ECHDC1: variants seen among roughly 807,000 people sequenced by gnomAD.
The protein encoded by ECHDC1 is ethylmalonyl-CoA decarboxylase.
A neutral mutation model predicts 29.7 loss-of-function variants in ECHDC1; 29 were observed. The observed-to-expected ratio is 0.98, with a 90% CI of 0.73 to 1.33. ECHDC1 has a LOEUF of 1.33. ECHDC1 is among the 40% of genes most tolerant of loss of function. The pLI is 0.00. For synonymous variants in ECHDC1, 126 were observed against 123.1 expected (o/e 1.02, Z -0.15); for missense variants, 328 against 350.0 (o/e 0.94, Z 0.50).
At chr6:127,302,928 A>G (rs1781161322) in intron 5 of ECHDC1, among the ~76,000 whole-genome samples, 1 of 152,182 alleles carries the variant, frequency 6.6e-6, no homozygotes. Context: ...ATCTGCACTG[A>G]TGACAGCAGA....
Position 127,289,884 on chromosome 6 carries a change from T to G in ECHDC1, c.891A>C (p.Gly297=). The G allele has an allele frequency of 1.2e-6, 2 of 1,606,038 alleles. No individual in the cohort carries two copies. The highest frequency in any genetic ancestry group is 1.7e-6 in the Non-Finnish European group (2 of 1,176,516). ...GAAAAACCAATTATTTATTAAATTT[T>G]CCTTTCTTAGCAATAGCCTCTAAAT... ...PANLEAIAKK[G]KFNK is the part of the protein sequence containing the mutation. Residue 297 remains glycine, a synonymous_variant, in exon 6 of 6, where the codon GGA becomes GGC. Transcript: ENST00000454859.
intron 3 of ECHDC1, 81 bp downstream of exon 3, chr6:127,326,921 C>A (rs199807768): frequency 1.4e-6 from 2 of 1,454,694 alleles, no homozygotes; most frequent in South Asian, 1.4e-5. Flanking sequence ...GTCATCATAA[C>A]CATTAGTAAA....
At position 127,311,093 on chromosome 6, in the gene ECHDC1, A is replaced by G. The variant is rs749888379; in HGVS notation, c.497+3723T>C. ...ACTGGGAAACCAAACAGTTCGTGTG[A>G]CTCACTTTATTGTGATATTAACTTT... On this transcript the variant is annotated intron_variant, in intron 5 of 5. Transcript: ENST00000454859. 5.1e-4 allele frequency among the ~76,000 whole-genome samples: 77 copies of G among 152,166 alleles called. 3 individuals are homozygous for G. Among genetic ancestry groups the G allele is most frequent in the Non-Finnish European group, 1.3e-4 (9 of 68,016 alleles).
intron 1 of ECHDC1, among the ~76,000 whole-genome samples, chr6:127,341,959 C>T (rs1784987878): frequency 6.6e-6 from 1 of 152,242 alleles, no homozygotes; most frequent in African/African-American, 2.4e-5. Context: ...TTTCAAGGTT[C>T]ATTACATGCC....
At chr6:127,295,932 A>G (rs1238409501) in intron 5 of ECHDC1, among the ~76,000 whole-genome samples, 1 of 152,230 alleles carries the variant, frequency 6.6e-6, no homozygotes, top group Admixed American at 6.5e-5. Flanking sequence ...AGAAGGCAGA[A>G]GGCTTTCTAA....
chr6:127,314,849 C>T lies in ECHDC1; in HGVS notation c.464G>A (p.Gly155Glu). ...VALVQGWALG[G>E]GAEFTTACDF... ...ACATGCTGTAGTAAATTCTGCTCCT[C>T]CACCCAATGCCCAACCTTGAACCAG... The change falls in exon 5 of 6, where the codon GGA becomes GAA. Residue 155 changes from glycine to glutamate, a missense_variant. Physicochemically the swap from Gly to Glu is moderately conservative, Grantham distance 98 (BLOSUM62 -2). Transcript: ENST00000454859. 1 of 1,611,834 alleles carries T rather than the reference C, an allele frequency of 6.2e-7. No homozygotes were observed. Among genetic ancestry groups the T allele is most frequent in the Non-Finnish European group, 8.5e-7 (1 of 1,178,924 alleles).
chr6:127,330,732 C>T, intron 2 of ECHDC1, 77 bp downstream of exon 2: 3 of 1,272,812 alleles, frequency 2.4e-6, no homozygotes, highest in Non-Finnish European at 3.3e-6. Flanking sequence ...ATTCTGTCAC[C>T]ACAGCAAGGA....
intron 5 of ECHDC1, among the ~76,000 whole-genome samples, chr6:127,302,881 G>A (rs1329245800): frequency 1.3e-5 from 2 of 152,010 alleles, no homozygotes; most frequent in Admixed American, 1.3e-4. Flanking sequence ...CTTCCTCTTC[G>A]CAGAATAAAA....
chr6:127,315,175 G>A (rs1041676343), intron 4 of ECHDC1: 13 of 562,424 alleles, frequency 2.3e-5, no homozygotes, highest in Non-Finnish European at 4.3e-5. Flanking sequence ...TAGCCATATT[G>A]TAACTTACTC....
chr6:127,311,896 G>C (rs1025674488), intron 5 of ECHDC1, among the ~76,000 whole-genome samples: 1 of 151,708 alleles, frequency 6.6e-6, no homozygotes, highest in Non-Finnish European at 1.5e-5. Flanking sequence ...TAATTGCACT[G>C]TGGCTCTATA....
At chr6:127,292,987 C>G (rs1427655482) in intron 5 of ECHDC1, among the ~76,000 whole-genome samples, 1 of 152,040 alleles carries the variant, frequency 6.6e-6, no homozygotes, top group Non-Finnish European at 1.5e-5. Context: ...CCTCTGACAT[C>G]CTGGGGCAAA....
At position 127,299,021 on chromosome 6, in the gene ECHDC1, G is replaced by A. The variant is rs533098572; in HGVS notation, c.498-8744C>T. ...CTCCCTCAGGAATGGGACTACAGGC[G>A]TGTGCCACCATGCCTGGCTATTTTT... On this transcript the variant is annotated intron_variant, in intron 5 of 5. Transcript: ENST00000454859. Among the ~76,000 whole-genome samples, 8 of 148,424 alleles carry A rather than the reference G, an allele frequency of 5.4e-5. No homozygotes were observed. In the South Asian group the frequency reaches 1.3e-3, roughly 24 times the overall value.
At chr6:127,334,679 C>T (rs944721791) in intron 1 of ECHDC1, among the ~76,000 whole-genome samples, 16 of 152,006 alleles carry the variant, frequency 1.1e-4, no homozygotes, top group African/African-American at 3.9e-4. Flanking sequence ...ACAAATTTAC[C>T]ATGCTATTTT....
intron 1 of ECHDC1, among the ~76,000 whole-genome samples, chr6:127,337,592 G>A (rs998348678): frequency 4.6e-5 from 7 of 152,168 alleles, no homozygotes; most frequent in Admixed American, 1.3e-4. Flanking sequence ...AAACCAAGTT[G>A]TACCCCAGCC....
At chr6:127,314,294 G>A (rs1219165974) in intron 5 of ECHDC1, among the ~76,000 whole-genome samples, 1 of 152,036 alleles carries the variant, frequency 6.6e-6, no homozygotes, top group African/African-American at 2.4e-5. Flanking sequence ...ATAATTATTG[G>A]GAGTGAAGAG....
chr6:127,307,474 CAA>C (rs1203854937), intron 5 of ECHDC1, among the ~76,000 whole-genome samples: 2 of 151,168 alleles, frequency 1.3e-5, no homozygotes, highest in African/African-American at 4.9e-5. Flanking sequence ...ACTAAAAATA[CAA>C]AAATTAGCTG....
chr6:127,298,391 G>C (rs1780785052), intron 5 of ECHDC1, among the ~76,000 whole-genome samples: 1 of 151,842 alleles, frequency 6.6e-6, no homozygotes, highest in South Asian at 2.1e-4. Flanking sequence ...TATTTTCTAA[G>C]GTAGTTTTGA....
intron 1 of ECHDC1, among the ~76,000 whole-genome samples, chr6:127,331,248 C>T (rs1221103115): frequency 2.6e-5 from 4 of 151,256 alleles, no homozygotes; most frequent in South Asian, 2.1e-4. Context: ...CAGCTTCAAA[C>T]GATTCTCCTA....
intron 3 of ECHDC1, among the ~76,000 whole-genome samples, chr6:127,322,550 G>T (rs563787895): frequency 6.6e-6 from 1 of 152,024 alleles, no homozygotes; most frequent in South Asian, 2.1e-4. Context: ...TTTACTAAGT[G>T]ATTCCTTATT....
Sources: gnomAD v4.1 joint callset for allele counts (sites outside exome capture counted in the v4.1 genomes callset) on GRCh38, gnomAD v4.1.1 for gene constraint, MANE v1.5 for transcripts, NCBI Gene and HGNC (gene_info 2026-07-23, HGNC 2026-07-21) for gene names.